ERAP1: variants seen among roughly 807,000 people sequenced by gnomAD.
ERAP1 encodes the protein adipocyte-derived leucine aminopeptidase.
Under a neutral mutation model 103.7 loss-of-function variants are expected in ERAP1, and 86 were observed. The ratio of observed to expected loss-of-function variants is 0.83; its 90% CI spans 0.70 to 0.99. The LOEUF (loss-of-function observed/expected upper bound fraction) is 0.99. ERAP1 is among the 50% of genes least tolerant of loss of function. ERAP1 has a pLI of 0.00. For missense variants in ERAP1, 1,009 were observed against 1,128.4 expected (o/e 0.89, Z 1.52); for synonymous variants, 398 against 402.4 (o/e 0.99, Z 0.13).
At chr5:96,820,774 A>AT in the ERAP1 span, among the ~76,000 whole-genome samples, 238 of 152,168 alleles carry the variant, frequency 1.6e-3, 1 homozygote, top group Non-Finnish European at 3.1e-3. Context: ...TCTTTCTTGC[A>AT]TTTTCTCAGC....
the ERAP1 span, among the ~76,000 whole-genome samples, chr5:96,920,780 G>A: frequency 1.3e-5 from 2 of 152,194 alleles, no homozygotes; most frequent in African/African-American, 2.4e-5. Flanking sequence ...CTGCTTCCTG[G>A]TATCTTAATC....
At chr5:96,770,048 AG>A (rs1352029923), downstream of ERAP1, 2 of 155,540 alleles carry the variant, frequency 1.3e-5, no homozygotes, top group Non-Finnish European at 2.9e-5. Context: ...TATCTTTATA[AG>A]GTGATAATTT....
At chr5:96,766,453 G>A (rs1343165139) in intron 19 of ERAP1, among the ~76,000 whole-genome samples, 1 of 152,162 alleles carries the variant, frequency 6.6e-6, no homozygotes, top group Non-Finnish European at 1.5e-5. Flanking sequence ...AAATGACTAA[G>A]GTGATAGGAT....
downstream of ERAP1, chr5:96,770,604 T>C (rs1473303951): frequency 6.2e-7 from 1 of 1,600,506 alleles, no homozygotes; most frequent in Admixed American, 1.7e-5. Context: ...TCAGCAAAGG[T>C]AAATGGAGCA....
At chr5:96,786,173 T>A (rs967423188) in intron 12 of ERAP1, among the ~76,000 whole-genome samples, 8 of 152,200 alleles carry the variant, frequency 5.3e-5, no homozygotes. Context: ...TTTGTGAGAT[T>A]TACAGATCTA....
At chr5:96,795,896 G>A (rs13173351) in intron 4 of ERAP1, among the ~76,000 whole-genome samples, 3 of 151,980 alleles carry the variant, frequency 2.0e-5, no homozygotes, top group Non-Finnish European at 4.4e-5. Context: ...AAAGAATTCA[G>A]ATAAAACAAT....
the ERAP1 span, among the ~76,000 whole-genome samples, chr5:96,824,819 C>A: frequency 6.6e-6 from 1 of 152,188 alleles, no homozygotes; most frequent in East Asian, 1.9e-4. Flanking sequence ...GAGGCCAAGG[C>A]AGGAGGATCA....
At chr5:96,853,701 T>C in the ERAP1 span, among the ~76,000 whole-genome samples, 1 of 151,912 alleles carries the variant, frequency 6.6e-6, no homozygotes, top group South Asian at 2.1e-4. Context: ...CAGTGGCAGA[T>C]GAGAATTTGG....
At chr5:96,786,884 A>T (rs758047247) in intron 11 of ERAP1, 1 of 236,874 alleles carries the variant, frequency 4.2e-6, no homozygotes, top group Non-Finnish European at 8.4e-6. Context: ...GAAGGACACA[A>T]TATCACCTCC....
rs986322305 is a variant in ERAP1, at chr5:96,774,926, C to G, written c.*1470G>C. 78 of 984,568 alleles carry G rather than the reference C, an allele frequency of 7.9e-5. No individual in the cohort carries two copies. Among genetic ancestry groups the G allele is most frequent in the Non-Finnish European group, 9.3e-5 (77 of 829,416 alleles). The allele number at this position is 984,568 out of a possible 1,614,324, so 61.0% of individuals were successfully genotyped here. A position where few individuals can be genotyped will look rare whatever the true frequency, so the allele number is the denominator to read the frequency against. On this transcript the variant is annotated 3_prime_UTR_variant, in exon 19 of 19. Coordinates refer to ENST00000443439, the MANE Select transcript of ERAP1 (RefSeq NM_001040458.3). The stretch of plus-strand genomic sequence containing the variant: ...TTTTGACATTTTTCGTACCAATCAT[C>G]AATCATATTCCCTTATCTTGAAGTT...
At chr5:96,879,549 G>A in the ERAP1 span, 1 of 643,940 alleles carries the variant, frequency 1.6e-6, no homozygotes, top group South Asian at 2.2e-5. Context: ...CTATAAGTGT[G>A]TTTTTTTCTT....
At chr5:96,800,285 G>C (rs563379295) in intron 3 of ERAP1, among the ~76,000 whole-genome samples, 2 of 152,158 alleles carry the variant, frequency 1.3e-5, no homozygotes, top group Non-Finnish European at 2.9e-5. Context: ...GTCCACATCC[G>C]CATTGAGATT....
chr5:96,877,481 T>C, the ERAP1 span, among the ~76,000 whole-genome samples: 1 of 152,228 alleles, frequency 6.6e-6, no homozygotes, highest in South Asian at 2.1e-4. Context: ...AATAATTTCA[T>C]ATCCAACACT....
At chr5:96,934,867 A>T in the ERAP1 span, 7 of 153,126 alleles carry the variant, frequency 4.6e-5, no homozygotes, top group African/African-American at 1.7e-4. Context: ...GGGAAGAGGC[A>T]GAGGAGGCGG....
chr5:96,927,231 T>A, the ERAP1 span, among the ~76,000 whole-genome samples: 1 of 152,230 alleles, frequency 6.6e-6, no homozygotes, highest in Admixed American at 6.5e-5. Flanking sequence ...AGCTGCCAGA[T>A]TGTTTTTGAA....
chr5:96,860,443 T>C, the ERAP1 span, among the ~76,000 whole-genome samples: 4 of 152,244 alleles, frequency 2.6e-5, no homozygotes, highest in Admixed American at 6.5e-5. Flanking sequence ...ATTAGGCCTG[T>C]GTTGTTGTTT....
the ERAP1 span, among the ~76,000 whole-genome samples, chr5:96,858,227 T>C: frequency 6.6e-6 from 1 of 151,718 alleles, no homozygotes; most frequent in African/African-American, 2.4e-5. Context: ...CTTTTTTTTT[T>C]TTTTTTTGAT....
At chr5:96,918,780 T>C in the ERAP1 span, 1 of 152,188 alleles carries the variant, frequency 6.6e-6, no homozygotes, top group Admixed American at 6.5e-5. Flanking sequence ...AGAATTAGAT[T>C]GTATTGTGTA....
chr5:96,927,433 T>C, the ERAP1 span, among the ~76,000 whole-genome samples: 1 of 152,270 alleles, frequency 6.6e-6, no homozygotes, highest in Non-Finnish European at 1.5e-5. Context: ...TCATGTCTCA[T>C]TGGCCATTTG....
Sources: allele counts gnomAD v4.1 joint callset (sites outside exome capture counted in the v4.1 genomes callset), GRCh38; gene constraint gnomAD v4.1.1; transcripts MANE v1.5; gene names NCBI Gene and HGNC (gene_info 2026-07-23, HGNC 2026-07-21).